KIF21A: variants seen among roughly 807,000 people sequenced by gnomAD.
KIF21A encodes the protein kinesin family member 21A.
In KIF21A, 114 loss-of-function variants were observed where a neutral mutation model predicts 202.9. The observed-to-expected ratio is 0.56, with a 90% CI of 0.48 to 0.66. KIF21A has a LOEUF of 0.66. Ranked by LOEUF, KIF21A falls within the 30% of genes least tolerant of loss-of-function variation. KIF21A has a pLI of 0.00. For missense variants in KIF21A, 1,677 were observed against 1,994.9 expected (o/e 0.84, Z 3.04); for synonymous variants, 667 against 670.8 (o/e 0.99, Z 0.09).
chr12:39,310,198 A>G (rs1943894538), intron 32 of KIF21A, among the ~76,000 whole-genome samples: 1 of 152,090 alleles, frequency 6.6e-6, no homozygotes, highest in Non-Finnish European at 1.5e-5. Flanking sequence ...ATGATTGATA[A>G]ATTATATTTT....
chr12:39,319,304 T>C (rs1944942302), intron 28 of KIF21A, among the ~76,000 whole-genome samples: 1 of 152,204 alleles, frequency 6.6e-6, no homozygotes, highest in African/African-American at 2.4e-5. Context: ...AATCAACTTC[T>C]GCATGCTGTC....
At chr12:39,332,834 A>G (rs1158539033) in intron 19 of KIF21A, 59 bp downstream of exon 19, 1 of 1,604,592 alleles carries the variant, frequency 6.2e-7, no homozygotes, top group Non-Finnish European at 8.5e-7. Context: ...TCATTTAAGT[A>G]CAACATTCAG....
chr12:39,416,687 G>A (rs10584408), intron 1 of KIF21A, among the ~76,000 whole-genome samples: 1,375 of 86,468 alleles, frequency 0.016, 40 homozygotes, highest in South Asian at 0.077. Flanking sequence ...ATATATGTGT[G>A]TATATATATA....
At chr12:39,340,775 CA>C in intron 15 of KIF21A, 130 bp downstream of exon 15, 1 of 708,474 alleles carries the variant, frequency 1.4e-6, no homozygotes, top group African/African-American at 1.8e-5. Flanking sequence ...CTTTGACTTG[CA>C]AAAACAAAAC....
chr12:39,410,947 T>C (rs1022092577), intron 1 of KIF21A, among the ~76,000 whole-genome samples: 1 of 152,206 alleles, frequency 6.6e-6, no homozygotes, highest in African/African-American at 2.4e-5. Flanking sequence ...CTACCTGTCC[T>C]AAAATGTCAC....
chr12:39,326,461 G>A (rs1945928016), intron 24 of KIF21A, 137 bp from the exon 25 acceptor site: 1 of 698,148 alleles, frequency 1.4e-6, no homozygotes, highest in Non-Finnish European at 2.6e-6. Flanking sequence ...AATCTAAATA[G>A]ACAGAATTGT....
intron 1 of KIF21A, among the ~76,000 whole-genome samples, chr12:39,420,074 T>TAAAAAAAAAAAA (rs72435342): frequency 2.3e-4 from 19 of 83,098 alleles, no homozygotes; most frequent in East Asian, 1.0e-3. Flanking sequence ...AGACAGAAAG[T>TAAAAAAAAAAAA]AAAAAAAAAA....
chr12:39,355,844 C>A (rs1474417733), intron 10 of KIF21A, among the ~76,000 whole-genome samples: 1 of 151,058 alleles, frequency 6.6e-6, no homozygotes, highest in Non-Finnish European at 1.5e-5. Context: ...TTTGTTTTTG[C>A]TTTTTGAAAC....
chr12:39,298,968 G>A (rs149594527), intron 37 of KIF21A, among the ~76,000 whole-genome samples: 30 of 152,180 alleles, frequency 2.0e-4, no homozygotes, highest in African/African-American at 6.3e-4. Flanking sequence ...ACAATGCCTC[G>A]CACATAGTAA....
chr12:39,427,654 T>C (rs1368528871), intron 1 of KIF21A, among the ~76,000 whole-genome samples: 4 of 152,160 alleles, frequency 2.6e-5, no homozygotes, highest in Non-Finnish European at 5.9e-5. Context: ...ATGACTGCTA[T>C]TGCATCTTTT....
intron 1 of KIF21A, among the ~76,000 whole-genome samples, chr12:39,395,955 C>T (rs964580443): frequency 6.6e-6 from 1 of 151,848 alleles, no homozygotes; most frequent in African/African-American, 2.4e-5. Context: ...GCAATACATG[C>T]TTATCTAATT....
At chr12:39,330,571 A>G (rs1048448063) in intron 23 of KIF21A, among the ~76,000 whole-genome samples, 175 bp downstream of exon 23, 2 of 152,222 alleles carry the variant, frequency 1.3e-5, no homozygotes, top group African/African-American at 4.8e-5. Context: ...TTGGAATGAC[A>G]ATAATTACCT....
rs1282987705 is a variant in KIF21A at position 39,340,281 on chromosome 12, G to A, written c.2194C>T (p.Leu732=). The change falls in exon 16 of 38, where the codon CTG becomes TTG. Residue 732 remains leucine, a synonymous_variant. Coordinates refer to ENST00000361418, the MANE Select transcript of KIF21A (RefSeq NM_001173464.2). ...TTTTGAGCTGCTTGAAGTCTCTGCA[G>A]TTCTTTGTTCATGGCTTGGAGTTTC... ...EKKLQAMNKE[L]QRLQAAQKEH... is the part of the protein sequence containing the mutation. The A allele has an allele frequency of 1.2e-6, 2 of 1,612,884 alleles. No homozygotes were observed. Among genetic ancestry groups the A allele is most frequent in the Non-Finnish European group, 1.7e-6 (2 of 1,179,522 alleles).
chr12:39,374,212 A>G (rs900523994), intron 1 of KIF21A, among the ~76,000 whole-genome samples: 3 of 152,236 alleles, frequency 2.0e-5, no homozygotes, highest in Admixed American at 6.5e-5. Context: ...ACAAACCTCA[A>G]TTTCAAAACT....
intron 1 of KIF21A, among the ~76,000 whole-genome samples, chr12:39,408,966 C>T (rs963041080): frequency 3.3e-5 from 5 of 151,948 alleles, no homozygotes; most frequent in Admixed American, 1.3e-4. Context: ...ACCACAGGTG[C>T]GTGCCACCAC....
intron 1 of KIF21A, among the ~76,000 whole-genome samples, chr12:39,377,082 T>G (rs1219364011): frequency 6.6e-6 from 1 of 152,132 alleles, no homozygotes; most frequent in Non-Finnish European, 1.5e-5. Flanking sequence ...CCCACAAGAT[T>G]GTGGTAGTTC....
intron 35 of KIF21A, among the ~76,000 whole-genome samples, chr12:39,304,239 T>G (rs1210981276): frequency 6.6e-6 from 1 of 152,196 alleles, no homozygotes; most frequent in Non-Finnish European, 1.5e-5. Context: ...TTCTTCCTAT[T>G]GATTCTCACA....
chr12:39,371,886 A>T (rs995484915), intron 1 of KIF21A, among the ~76,000 whole-genome samples: 1 of 151,670 alleles, frequency 6.6e-6, no homozygotes, highest in African/African-American at 2.4e-5. Flanking sequence ...CCAAGACAGC[A>T]CCACTGCACT....
At chr12:39,297,587 T>TG (rs1555140098) in intron 37 of KIF21A, among the ~76,000 whole-genome samples, 1 of 5,098 alleles carries the variant, frequency 2.0e-4, no homozygotes, top group Non-Finnish European at 3.6e-4. Flanking sequence ...GGGACTGTTG[T>TG]GGGGTGGGGG....
Sources: allele counts gnomAD v4.1 joint callset (sites outside exome capture counted in the v4.1 genomes callset), GRCh38; gene constraint gnomAD v4.1.1; transcripts MANE v1.5; gene names NCBI Gene and HGNC (gene_info 2026-07-23, HGNC 2026-07-21).